The following STK24 variants were observed in gnomAD, a reference collection of about 807,000 sequenced individuals.
The protein encoded by STK24 is serine/threonine kinase 24.
STK24 carries 21 observed loss-of-function variants against 55.6 expected under a neutral mutation model. The observed-to-expected ratio is 0.38, with a 90% CI of 0.27 to 0.54. The LOEUF (loss-of-function observed/expected upper bound fraction) is 0.54, where lower values mean the gene tolerates loss of function less well. Among genes scored for constraint, STK24 ranks in the 20% least tolerant of loss-of-function variants. STK24 has a pLI of 0.79. For missense variants in STK24, 383 were observed against 538.4 expected (o/e 0.71, Z 2.86); for synonymous variants, 200 against 215.2 (o/e 0.93, Z 0.62).
chr13:98,501,628 C>T (rs1420258340), intron 2 of STK24, among the ~76,000 whole-genome samples: 1 of 151,860 alleles, frequency 6.6e-6, no homozygotes, highest in African/African-American at 2.4e-5. Context: ...CTCATGTATC[C>T]CATAAATATA....
chr13:98,556,712 A>G (rs1010544057), intron 1 of STK24, among the ~76,000 whole-genome samples: 9 of 152,304 alleles, frequency 5.9e-5, no homozygotes, highest in African/African-American at 1.9e-4. Context: ...ACTCACCTAG[A>G]GGCTTCTACC....
At chr13:98,521,940 G>A in intron 1 of STK24, 2 of 1,249,562 alleles carry the variant, frequency 1.6e-6, no homozygotes, top group Non-Finnish European at 2.3e-6. Context: ...CTCTGCCCTT[G>A]GCAACATGCT....
chr13:98,535,366 AAAAAATATAT>A (rs1235468667), intron 1 of STK24, among the ~76,000 whole-genome samples: 172 of 39,420 alleles, frequency 4.4e-3, no homozygotes, highest in African/African-American at 9.6e-3. Flanking sequence ...ACAAACAAAA[AAAAAATATAT>A]ATATATATAT....
chr13:98,467,026 T>C (rs1893950713), intron 5 of STK24, among the ~76,000 whole-genome samples: 2 of 152,172 alleles, frequency 1.3e-5, no homozygotes, highest in Non-Finnish European at 2.9e-5. Context: ...TCCTGTGACG[T>C]TAGATGAAAG....
chr13:98,565,036 T>C (rs528933078), intron 1 of STK24, among the ~76,000 whole-genome samples: 3 of 152,254 alleles, frequency 2.0e-5, no homozygotes, highest in African/African-American at 7.2e-5. Context: ...CCAAAGTCAG[T>C]CTTTGGAAAT....
chr13:98,575,660 G>A (rs1057005270), intron 1 of STK24, among the ~76,000 whole-genome samples: 1 of 152,184 alleles, frequency 6.6e-6, no homozygotes, highest in Non-Finnish European at 1.5e-5. Flanking sequence ...GAAGGAGCCT[G>A]TTGGTACCTG....
At chr13:98,515,346 T>C (rs550247658) in intron 2 of STK24, among the ~76,000 whole-genome samples, 16 of 151,840 alleles carry the variant, frequency 1.1e-4, no homozygotes, top group South Asian at 6.3e-4. Context: ...GGTACCTCAG[T>C]GGCAGAAAAC....
chr13:98,528,159 C>T (rs1338134690), intron 1 of STK24, among the ~76,000 whole-genome samples: 2 of 152,110 alleles, frequency 1.3e-5, no homozygotes, highest in African/African-American at 4.8e-5. Context: ...CAGACCCGGG[C>T]CCATCAGTCT....
intron 1 of STK24, among the ~76,000 whole-genome samples, chr13:98,565,256 C>T (rs1897534941): frequency 6.6e-6 from 1 of 152,088 alleles, no homozygotes; most frequent in Admixed American, 6.5e-5. Flanking sequence ...CGCCCAGAAT[C>T]AGAAACTCCA....
At chr13:98,504,615 G>C (rs60616027) in intron 2 of STK24, among the ~76,000 whole-genome samples, 3,840 of 152,304 alleles carry the variant, frequency 0.025, 165 homozygotes, top group African/African-American at 0.087. Context: ...TGTGTGGTGA[G>C]GGGCAGACAC....
In STK24 at chr13:98,537,931, G is replaced by A. The variant is rs192069049; in HGVS notation, c.43-18458C>T. Among the ~76,000 whole-genome samples, 85 of 152,242 alleles carry A rather than the reference G, an allele frequency of 5.6e-4. 1 individual carries two copies. The East Asian group carries it at 0.012, about 22-fold the overall frequency. On this transcript the variant is annotated intron_variant, in intron 1 of 10. Transcript: ENST00000539966. ...AACCTGCTGAGGGGCTCAGGGCTCC[G>A]CTGCATGGCCCAACCACTTCCATGA...
At chr13:98,507,585 G>A (rs1322451705) in intron 2 of STK24, among the ~76,000 whole-genome samples, 1 of 152,206 alleles carries the variant, frequency 6.6e-6, no homozygotes, top group East Asian at 1.9e-4. Flanking sequence ...CTTTACACAA[G>A]GAATACCGTA....
intron 2 of STK24, among the ~76,000 whole-genome samples, chr13:98,504,808 C>T (rs553217884): frequency 6.6e-6 from 1 of 152,264 alleles, no homozygotes; most frequent in African/African-American, 2.4e-5. Flanking sequence ...AGAGAAACAA[C>T]AGCCTCCAGT....
At chr13:98,547,153 C>T (rs1447590446) in intron 1 of STK24, among the ~76,000 whole-genome samples, 1 of 152,248 alleles carries the variant, frequency 6.6e-6, no homozygotes, top group East Asian at 1.9e-4. Flanking sequence ...ACCTCGTGAT[C>T]CACCCGCCTC....
chr13:98,515,689 C>T (rs1337178980), intron 2 of STK24, among the ~76,000 whole-genome samples: 1 of 152,200 alleles, frequency 6.6e-6, no homozygotes, highest in Non-Finnish European at 1.5e-5. Context: ...AATATTTAGA[C>T]CACTTCTCTA....
At chr13:98,548,861 C>CAAAAAAAAAAAAAAAAAAAAAA (rs55793722) in intron 1 of STK24, among the ~76,000 whole-genome samples, 1 of 37,804 alleles carries the variant, frequency 2.6e-5, no homozygotes, top group African/African-American at 8.9e-5. Context: ...GACTCTGTCT[C>CAAAAAAAAAAAAAAAAAAAAAA]AAAAAAAAAA....
intron 5 of STK24, among the ~76,000 whole-genome samples, chr13:98,471,104 A>C (rs1404692331): frequency 6.6e-6 from 1 of 152,214 alleles, no homozygotes; most frequent in African/African-American, 2.4e-5. Context: ...CTCAGGGCTC[A>C]TCCTCCCAGC....
At chr13:98,537,735 G>A (rs995165665) in intron 1 of STK24, among the ~76,000 whole-genome samples, 3 of 152,138 alleles carry the variant, frequency 2.0e-5, no homozygotes, top group Admixed American at 1.3e-4. Flanking sequence ...TCAGTGTAGT[G>A]CAGGGGCTGA....
intron 1 of STK24, among the ~76,000 whole-genome samples, chr13:98,534,015 G>A (rs1210121292): frequency 1.3e-5 from 2 of 152,202 alleles, no homozygotes; most frequent in African/African-American, 2.4e-5. Context: ...GTCTGCCGAC[G>A]CCTACCCACC....
Sources: allele counts gnomAD v4.1 joint callset (sites outside exome capture counted in the v4.1 genomes callset), GRCh38; gene constraint gnomAD v4.1.1; transcripts MANE v1.5; gene names NCBI Gene and HGNC (gene_info 2026-07-23, HGNC 2026-07-21).